ZNF618: variants seen among roughly 807,000 people sequenced by gnomAD.
The protein encoded by ZNF618 is zinc finger protein 618.
Under a neutral mutation model 103.0 loss-of-function variants are expected in ZNF618, and 34 were observed. The ratio of observed to expected loss-of-function variants is 0.33; its 90% confidence interval spans 0.25 to 0.44. ZNF618 has a LOEUF of 0.44. Among genes scored for constraint, ZNF618 ranks in the 20% least tolerant of loss-of-function variants. The probability of loss-of-function intolerance (pLI) is 1.00; values close to 1 mark genes in which losing one functional copy is unlikely to be tolerated. For missense variants in ZNF618, 1,059 were observed against 1,295.4 expected (o/e 0.82, Z 2.80); for synonymous variants, 551 against 542.2 (o/e 1.02, Z -0.23).
intron 1 of ZNF618, among the ~76,000 whole-genome samples, chr9:113,912,714 T>C (rs915738584): frequency 5.3e-5 from 8 of 152,262 alleles, no homozygotes; most frequent in Admixed American, 1.3e-4. Flanking sequence ...TCCCCTGTCG[T>C]GGGATGCACC....
intron 13 of ZNF618, among the ~76,000 whole-genome samples, chr9:114,043,950 G>A (rs1845436222): frequency 6.6e-6 from 1 of 152,126 alleles, no homozygotes; most frequent in African/African-American, 2.4e-5. Context: ...CTGGATATTA[G>A]TCCTTTGTCA....
intron 1 of ZNF618, among the ~76,000 whole-genome samples, chr9:113,940,580 G>T (rs1000768567): frequency 1.3e-5 from 2 of 150,740 alleles, no homozygotes; most frequent in Admixed American, 6.6e-5. Flanking sequence ...TAAAATTTTG[G>T]GGGGGTGGTT....
At chr9:114,042,151 C>T (rs10817558) in intron 13 of ZNF618, among the ~76,000 whole-genome samples, 43,161 of 152,100 alleles carry the variant, frequency 0.28, 7,944 homozygotes, top group East Asian at 0.62. Context: ...TAAATGCATT[C>T]TCTGCATTGG....
intron 10 of ZNF618, among the ~76,000 whole-genome samples, chr9:114,018,686 G>A (rs1323588033): frequency 6.6e-6 from 1 of 152,140 alleles, no homozygotes; most frequent in Non-Finnish European, 1.5e-5. Flanking sequence ...TGACAGCCTG[G>A]TGCATCTCTC....
chr9:114,020,119 C>T (rs886268098), intron 10 of ZNF618, among the ~76,000 whole-genome samples: 10 of 152,144 alleles, frequency 6.6e-5, no homozygotes, highest in African/African-American at 1.9e-4. Context: ...TATTGCATTG[C>T]ACTGGTACTT....
chr9:113,932,141 A>G (rs1350368362), intron 1 of ZNF618, among the ~76,000 whole-genome samples: 6 of 152,196 alleles, frequency 3.9e-5, no homozygotes, highest in Admixed American at 3.9e-4. Context: ...TGGGATAGAC[A>G]GGGGCAGGTA....
intron 1 of ZNF618, among the ~76,000 whole-genome samples, chr9:113,903,410 A>C (rs543703921): frequency 2.0e-5 from 3 of 151,888 alleles, no homozygotes; most frequent in Admixed American, 6.6e-5. Context: ...TTTACAGCTT[A>C]GCTTTTCTCA....
chr9:113,980,641 A>G (rs915260487), intron 2 of ZNF618, among the ~76,000 whole-genome samples: 13 of 152,356 alleles, frequency 8.5e-5, no homozygotes, highest in African/African-American at 2.6e-4. Context: ...TAAAAATACA[A>G]TAGGTTCTAG....
chr9:113,918,897 G>T (rs1009059082), intron 1 of ZNF618, among the ~76,000 whole-genome samples: 3 of 152,178 alleles, frequency 2.0e-5, no homozygotes, highest in African/African-American at 7.2e-5. Context: ...TGTCTGGCAC[G>T]TTGTGGAGTC....
intron 1 of ZNF618, among the ~76,000 whole-genome samples, chr9:113,894,300 C>T (rs1415112708): frequency 6.6e-6 from 1 of 152,184 alleles, no homozygotes; most frequent in Non-Finnish European, 1.5e-5. Flanking sequence ...TATCCATCCA[C>T]CTGACTGACC....
intron 1 of ZNF618, among the ~76,000 whole-genome samples, chr9:113,932,221 A>G (rs1329095254): frequency 2.0e-5 from 3 of 152,174 alleles, no homozygotes; most frequent in Non-Finnish European, 4.4e-5. Context: ...CGTGCATGAA[A>G]TGAGGAAGCA....
At chr9:114,030,819 G>C (rs548273113) in intron 11 of ZNF618, 2 of 152,228 alleles carry the variant, frequency 1.3e-5, no homozygotes, top group Non-Finnish European at 2.9e-5. Flanking sequence ...GGTACTTGTG[G>C]CAAGGAAAGC....
intron 6 of ZNF618, among the ~76,000 whole-genome samples, chr9:114,002,898 C>G (rs1841382527): frequency 6.6e-6 from 1 of 152,250 alleles, no homozygotes; most frequent in Admixed American, 6.5e-5. Context: ...AGTGGGTGTT[C>G]TGTCCATGAC....
At chr9:113,986,498 C>G (rs569134717) in intron 2 of ZNF618, among the ~76,000 whole-genome samples, 15 of 152,336 alleles carry the variant, frequency 9.8e-5, no homozygotes, top group African/African-American at 3.4e-4. Flanking sequence ...AGGTTGCCAG[C>G]ACGGTTGGGT....
At chr9:113,876,670 C>G (rs1026768804) in intron 1 of ZNF618, among the ~76,000 whole-genome samples, 1 of 151,992 alleles carries the variant, frequency 6.6e-6, no homozygotes, top group Non-Finnish European at 1.5e-5. Flanking sequence ...CGGGCTCGGA[C>G]CGGAGCCCAG....
chr9:114,020,647 T>C (rs1842993964), intron 10 of ZNF618, among the ~76,000 whole-genome samples: 1 of 152,158 alleles, frequency 6.6e-6, no homozygotes, highest in African/African-American at 2.4e-5. Context: ...TGTATTGAAT[T>C]TGTGTATTGC....
chr9:113,988,505 A>G lies in ZNF618; in HGVS notation c.262A>G (p.Ser88Gly). ...GEAKEEKKAV[S>G]KDGTSDVPAE... ...GGCCAAGGAGGAGAAGAAGGCGGTC[A>G]GCAAGGATGGGACCAGCGACGTGCC... The change falls in exon 3 of 15, where the codon AGC becomes GGC. Residue 88 changes from serine (S) to glycine (G), a missense_variant. This residue lies in a region of ZNF618 where 194 missense variants were observed against 209.0 expected (regional missense o/e 0.93). Transcript: ENST00000374126. 1.9e-6 allele frequency: 3 copies of G among 1,613,330 alleles called. No individual in the cohort carries two copies. The highest frequency in any genetic ancestry group is 2.5e-6 in the Non-Finnish European group (3 of 1,179,878).
intron 2 of ZNF618, among the ~76,000 whole-genome samples, chr9:113,971,784 C>T (rs534772876): frequency 2.9e-4 from 44 of 152,230 alleles, no homozygotes; most frequent in Admixed American, 1.2e-3. Context: ...TTGGAGATGC[C>T]TGCCCAGTCA....
rs149148772 is a variant in ZNF618, at chr9:113,900,559, A to G, written c.33+24146A>G. On this transcript the variant is annotated intron_variant, in intron 1 of 14. Transcript: ENST00000374126. ...AAGAGAACCTGGCAGAGCTGAGGCC[A>G]GAACCCGAGCTCCTGTCTCCTAGCA... Among the ~76,000 whole-genome samples the G allele has an allele frequency of 1.9e-3, 290 of 151,968 alleles. 1 individual carries two copies. The highest frequency in any genetic ancestry group is 6.7e-3 in the African/African-American group (279 of 41,380).
Sources: gnomAD v4.1 joint callset for allele counts (sites outside exome capture counted in the v4.1 genomes callset) on GRCh38, gnomAD v4.1.1 for gene constraint, gnomAD v4.1.1 regional missense constraint, MANE v1.5 for transcripts, NCBI Gene and HGNC (gene_info 2026-07-23, HGNC 2026-07-21) for gene names.